DOK6: variants seen among roughly 807,000 people sequenced by gnomAD.
DOK6 encodes the protein downstream of tyrosine kinase 6.
A neutral mutation model predicts 44.0 loss-of-function variants in DOK6; 22 were observed. The ratio of observed to expected loss-of-function variants is 0.50; its 90% confidence interval spans 0.36 to 0.71. DOK6 has a LOEUF of 0.71. Among genes scored for constraint, DOK6 ranks in the 30% least tolerant of loss-of-function variants. The pLI is 0.00. For synonymous variants in DOK6, 166 were observed against 145.5 expected, an observed-to-expected ratio of 1.14 and a Z score of -1.01; for missense variants, 340 against 416.4, an observed-to-expected ratio of 0.82 and a Z score of 1.60.
chr18:69,463,641 T>TTG (rs5825938), intron 1 of DOK6, among the ~76,000 whole-genome samples: 3 of 151,636 alleles, frequency 2.0e-5, no homozygotes, highest in African/African-American at 7.3e-5. Context: ...TTGACCTTTG[T>TTG]TGTGTGTGTA....
chr18:69,472,414 T>C (rs942071306), intron 1 of DOK6, among the ~76,000 whole-genome samples: 2 of 152,170 alleles, frequency 1.3e-5, no homozygotes, highest in African/African-American at 4.8e-5. Context: ...ATCATATTCT[T>C]GCCTTAGGGT....
At position 69,777,142 on chromosome 18, in the gene DOK6, TAA is replaced by T. The variant is rs34442807; in HGVS notation, c.856+19280_856+19281del. On this transcript the variant is annotated intron_variant, in intron 7 of 7. Transcript: ENST00000382713. ...ATGTACCCTAAAACTTAAAGTATAA[TAA>T]AAAAAAAAAAGACAGGATAAAAAAG... Among the ~76,000 whole-genome samples the T allele has an allele frequency of 4.4e-3, 635 of 145,740 alleles. 4 individuals are homozygous for T. Among genetic ancestry groups the T allele is most frequent in the Middle Eastern group, 0.021 (6 of 284 alleles).
intron 3 of DOK6, among the ~76,000 whole-genome samples, chr18:69,676,579 A>G (rs892459026): frequency 6.6e-6 from 1 of 152,206 alleles, no homozygotes; most frequent in Non-Finnish European, 1.5e-5. Flanking sequence ...ACACTATTCT[A>G]GTACAGATTT....
chr18:69,620,478 T>C (rs1984414874), intron 3 of DOK6, among the ~76,000 whole-genome samples: 1 of 152,196 alleles, frequency 6.6e-6, no homozygotes, highest in African/African-American at 2.4e-5. Flanking sequence ...ATTATATCAA[T>C]ATGAACACAT....
intron 1 of DOK6, among the ~76,000 whole-genome samples, chr18:69,413,999 T>C (rs1191191235): frequency 6.6e-6 from 1 of 151,926 alleles, no homozygotes; most frequent in Non-Finnish European, 1.5e-5. Context: ...GTGTCTGACA[T>C]CATTAACCAT....
chr18:69,633,357 C>A (rs915466661), intron 3 of DOK6, among the ~76,000 whole-genome samples: 1 of 152,184 alleles, frequency 6.6e-6, no homozygotes, highest in South Asian at 2.1e-4. Context: ...AGTGACAGAG[C>A]AAGAATTCAA....
At chr18:69,731,990 T>TCA (rs781597190) in intron 5 of DOK6, among the ~76,000 whole-genome samples, 83 of 152,282 alleles carry the variant, frequency 5.5e-4, no homozygotes, top group Middle Eastern at 3.4e-3. Flanking sequence ...TAAGAACGTA[T>TCA]CACTTCTCTG....
At chr18:69,608,468 G>A (rs550153343) in intron 3 of DOK6, among the ~76,000 whole-genome samples, 1 of 152,280 alleles carries the variant, frequency 6.6e-6, no homozygotes, top group African/African-American at 2.4e-5. Context: ...TGTTTCTCAA[G>A]ATTGATTTGG....
chr18:69,701,859 G>A (rs1986527329), intron 5 of DOK6, among the ~76,000 whole-genome samples: 1 of 152,164 alleles, frequency 6.6e-6, no homozygotes, highest in Admixed American at 6.5e-5. Flanking sequence ...AGGATTCTGT[G>A]ATGTCATAGG....
chr18:69,459,141 T>G, intron 1 of DOK6, among the ~76,000 whole-genome samples: 1 of 113,084 alleles, frequency 8.8e-6, no homozygotes, highest in African/African-American at 3.4e-5. Context: ...CAGAAATACT[T>G]AGAAATACCT....
At chr18:69,566,207 G>A (rs1299914682) in intron 2 of DOK6, among the ~76,000 whole-genome samples, 2 of 151,882 alleles carry the variant, frequency 1.3e-5, no homozygotes, top group Admixed American at 6.6e-5. Flanking sequence ...GCGCGATCTC[G>A]GCTCACTGTA....
chr18:69,783,630 T>C (rs1980343913), intron 7 of DOK6, among the ~76,000 whole-genome samples: 1 of 152,280 alleles, frequency 6.6e-6, no homozygotes, highest in East Asian at 1.9e-4. Context: ...TCAAGATATT[T>C]CTTTATTTTC....
intron 3 of DOK6, among the ~76,000 whole-genome samples, chr18:69,617,319 G>A (rs545862348): frequency 1.1e-4 from 15 of 142,546 alleles, no homozygotes; most frequent in Admixed American, 1.0e-3. Context: ...AAAGAAAAGA[G>A]AGAGAAAGAA....
At chr18:69,747,841 A>G (rs1176555067) in intron 6 of DOK6, among the ~76,000 whole-genome samples, 1 of 152,198 alleles carries the variant, frequency 6.6e-6, no homozygotes, top group Non-Finnish European at 1.5e-5. Context: ...GCAGTCTTAC[A>G]TGTATGCAGC....
At chr18:69,664,737 C>A (rs1289649490) in intron 3 of DOK6, among the ~76,000 whole-genome samples, 1 of 152,186 alleles carries the variant, frequency 6.6e-6, no homozygotes, top group Non-Finnish European at 1.5e-5. Flanking sequence ...TGACTACCCA[C>A]AATGTGCCAG....
At chr18:69,524,956 A>C (rs1449633736) in intron 1 of DOK6, among the ~76,000 whole-genome samples, 4 of 150,212 alleles carry the variant, frequency 2.7e-5, no homozygotes, top group Non-Finnish European at 5.9e-5. Context: ...CTTTTAATAA[A>C]TGGATATTAA....
rs553881447 is a variant in DOK6 at position 69,596,266 on chromosome 18, TA to T, written c.175-3112del. On this transcript the variant is annotated intron_variant, in intron 2 of 7. Coordinates refer to ENST00000382713, the MANE Select transcript of DOK6 (RefSeq NM_152721.6). The stretch of plus-strand genomic sequence containing the variant: ...AATATATGCCCCCAGGATATTTTTT[TA>T]AAAAATAAAGAAATCAGCCTGCAAA... Among the ~76,000 whole-genome samples, 522 of 152,182 alleles carry T rather than the reference TA, an allele frequency of 3.4e-3. 2 individuals are homozygous for T. Among genetic ancestry groups the T allele is most frequent in the Admixed American group, 5.8e-3 (89 of 15,280 alleles).
intron 3 of DOK6, among the ~76,000 whole-genome samples, chr18:69,658,343 T>C (rs774787249): frequency 6.6e-6 from 1 of 152,170 alleles, no homozygotes; most frequent in Non-Finnish European, 1.5e-5. Context: ...GGTGACATCA[T>C]CTGCAAAATT....
intron 1 of DOK6, among the ~76,000 whole-genome samples, chr18:69,489,110 A>T (rs1980666061): frequency 6.6e-6 from 1 of 152,184 alleles, no homozygotes; most frequent in African/African-American, 2.4e-5. Context: ...TCAGAAACAC[A>T]AGTTCACTAG....
Sources: gnomAD v4.1 joint callset for allele counts (sites outside exome capture counted in the v4.1 genomes callset) on GRCh38, gnomAD v4.1.1 for gene constraint, MANE v1.5 for transcripts, NCBI Gene and HGNC (gene_info 2026-07-23, HGNC 2026-07-21) for gene names.